ERAP1: variants seen among roughly 807,000 people sequenced by gnomAD.
ERAP1 encodes the protein endoplasmic reticulum aminopeptidase 1.
A neutral mutation model predicts 103.7 loss-of-function variants in ERAP1; 86 were observed. That is an observed-to-expected ratio of 0.83 (90% CI 0.70 to 0.99). The LOEUF (loss-of-function observed/expected upper bound fraction) is 0.99. Ranked by LOEUF, ERAP1 falls within the 50% of genes least tolerant of loss-of-function variation. The probability of loss-of-function intolerance (pLI) is 0.00; values close to 1 mark genes in which losing one functional copy is unlikely to be tolerated. For missense variants in ERAP1, 1,009 were observed against 1,128.4 expected, an observed-to-expected ratio of 0.89 and a Z score of 1.52; for synonymous variants, 398 against 402.4, an observed-to-expected ratio of 0.99 and a Z score of 0.13.
At chr5:96,796,428 G>T (rs896476457) in intron 4 of ERAP1, among the ~76,000 whole-genome samples, 2 of 152,210 alleles carry the variant, frequency 1.3e-5, no homozygotes, top group African/African-American at 2.4e-5. Flanking sequence ...TTCCAAGCAG[G>T]TTGCTCTATC....
At chr5:96,886,750 T>C in the ERAP1 span, 1 of 1,533,734 alleles carries the variant, frequency 6.5e-7, no homozygotes, top group Non-Finnish European at 8.9e-7. Context: ...TAGTTTGTGA[T>C]TTCCACTCTC....
the ERAP1 span, among the ~76,000 whole-genome samples, chr5:96,846,570 A>C: frequency 7.9e-5 from 12 of 152,176 alleles, no homozygotes; most frequent in African/African-American, 2.9e-4. Context: ...CAATCTTGTT[A>C]ATGTGTAGAT....
the ERAP1 span, among the ~76,000 whole-genome samples, chr5:96,838,744 T>C: frequency 6.6e-6 from 1 of 152,022 alleles, no homozygotes; most frequent in African/African-American, 2.4e-5. Context: ...ACAGAGGAAG[T>C]GACAGAACTA....
At chr5:96,895,297 G>C in the ERAP1 span, 1 of 1,612,990 alleles carries the variant, frequency 6.2e-7, no homozygotes, top group Non-Finnish European at 8.5e-7. Context: ...TTGGCTTAAG[G>C]AGGGTTTTGC....
At chr5:96,883,834 G>A in the ERAP1 span, 3 of 1,613,402 alleles carry the variant, frequency 1.9e-6, no homozygotes, top group African/African-American at 4.0e-5. Context: ...AGGCACGCAT[G>A]GCTTTCCCTT....
chr5:96,912,824 G>A, the ERAP1 span: 7 of 1,565,338 alleles, frequency 4.5e-6, no homozygotes, highest in South Asian at 2.4e-5. Flanking sequence ...TAACTAAATT[G>A]TTATAAGTAA....
chr5:96,837,171 C>G, the ERAP1 span, among the ~76,000 whole-genome samples: 1 of 152,118 alleles, frequency 6.6e-6, no homozygotes, highest in African/African-American at 2.4e-5. Flanking sequence ...CCACTGGACA[C>G]ACTTTAAAAT....
At chr5:96,827,545 G>A in the ERAP1 span, among the ~76,000 whole-genome samples, 3 of 152,098 alleles carry the variant, frequency 2.0e-5, no homozygotes, top group Admixed American at 2.0e-4. Context: ...TGTGCCTGTA[G>A]TCCCAGCTAC....
the ERAP1 span, chr5:96,879,686 A>C: frequency 1.2e-6 from 2 of 1,611,448 alleles, no homozygotes; most frequent in Non-Finnish European, 1.7e-6. Context: ...AATAGATTTC[A>C]TGTTCCATTC....
intron 11 of ERAP1, among the ~76,000 whole-genome samples, chr5:96,787,612 G>T (rs1021800431): frequency 3.9e-5 from 6 of 151,990 alleles, no homozygotes; most frequent in African/African-American, 1.5e-4. Flanking sequence ...ATTTAGGTGT[G>T]AAGGGGAATC....
At chr5:96,795,792 G>A (rs917001273) in intron 4 of ERAP1, among the ~76,000 whole-genome samples, 6 of 152,274 alleles carry the variant, frequency 3.9e-5, no homozygotes, top group Admixed American at 1.3e-4. Flanking sequence ...CTCAGGCAAC[G>A]TAAGCTCACA....
chr5:96,887,126 CAT>C, the ERAP1 span, among the ~76,000 whole-genome samples: 72 of 135,188 alleles, frequency 5.3e-4, no homozygotes, highest in African/African-American at 1.4e-3. Flanking sequence ...CACACACACA[CAT>C]ACATATATAC....
chr5:96,864,634 G>A, the ERAP1 span, among the ~76,000 whole-genome samples: 2 of 152,114 alleles, frequency 1.3e-5, no homozygotes, highest in Non-Finnish European at 2.9e-5. Context: ...TAAGCCAATT[G>A]ATTGTACAAG....
rs773715790 is a variant in ERAP1 at position 96,783,205 on chromosome 5, T to G, written c.2131A>C (p.Ile711Leu). ...TCGTCTGTCCATGTCTGCTTATCAA[T>G]GAGGTCCCTTAGCAGCCTGATGAGG... ...AFLIRLLRDLIDKQTWTDEGS... is the reference protein window; with the variant it reads ...AFLIRLLRDLLDKQTWTDEGS... Residue 711 changes from isoleucine to leucine, a missense_variant, in exon 15 of 19, where the codon ATT becomes CTT. Ile to Leu is a conservative substitution (Grantham distance 5). Around this residue, in one of 3 missense-constraint regions of ERAP1, gnomAD observed 611 missense variants for 651.7 expected, o/e 0.94. Transcript: ENST00000443439. 1.2e-6 allele frequency: 2 copies of G among 1,613,172 alleles called. No individual in the cohort carries two copies. Among genetic ancestry groups the G allele is most frequent in the South Asian group, 2.2e-5 (2 of 91,078 alleles).
upstream of ERAP1, chr5:96,808,040 A>G: frequency 1.0e-6 from 1 of 985,358 alleles, no homozygotes; most frequent in Middle Eastern, 5.2e-4. Context: ...GGAGCTGGGG[A>G]AAGGGTAAAC....
the ERAP1 span, among the ~76,000 whole-genome samples, chr5:96,839,222 G>A: frequency 6.6e-6 from 1 of 152,226 alleles, no homozygotes; most frequent in Admixed American, 6.5e-5. Flanking sequence ...CCAGTAATCT[G>A]CCTCAAGCTT....
the ERAP1 span, among the ~76,000 whole-genome samples, chr5:96,865,797 G>C: frequency 1.3e-5 from 2 of 152,088 alleles, no homozygotes; most frequent in South Asian, 2.1e-4. Context: ...AAGGGTTTTG[G>C]AATGGATGAA....
chr5:96,845,427 G>A, the ERAP1 span, among the ~76,000 whole-genome samples: 1 of 152,060 alleles, frequency 6.6e-6, no homozygotes, highest in Non-Finnish European at 1.5e-5. Flanking sequence ...TAGAGACAAG[G>A]TTTCACCATG....
At chr5:96,770,381 C>CA (rs1448935467), downstream of ERAP1, 46 of 589,814 alleles carry the variant, frequency 7.8e-5, 1 homozygote, top group Middle Eastern at 2.9e-4. Flanking sequence ...CACCGTTGTT[C>CA]AAAAAAAATC....
Sources: gnomAD v4.1 joint callset for allele counts (sites outside exome capture counted in the v4.1 genomes callset) on GRCh38, gnomAD v4.1.1 for gene constraint, gnomAD v4.1.1 regional missense constraint, MANE v1.5 for transcripts, NCBI Gene and HGNC (gene_info 2026-07-23, HGNC 2026-07-21) for gene names.